CELF2: variants seen among roughly 807,000 people sequenced by gnomAD.
CELF2 encodes the protein CUGBP Elav-like family member 2.
Under a neutral mutation model 62.6 loss-of-function variants are expected in CELF2, and 8 were observed. That is an observed-to-expected ratio of 0.13 (90% CI 0.07 to 0.23). The LOEUF is 0.23. CELF2 is among the 10% of genes least tolerant of loss of function. CELF2 has a pLI of 1.00. For missense variants in CELF2, 333 were observed against 671.0 expected (o/e 0.50, Z 5.56); for synonymous variants, 258 against 250.0 (o/e 1.03, Z -0.30).
chr10:10,806,640 T>TCATGGAGC (rs1326098406), intron 1 of CELF2, among the ~76,000 whole-genome samples: 1 of 152,160 alleles, frequency 6.6e-6, no homozygotes, highest in Non-Finnish European at 1.5e-5. Flanking sequence ...CTGTATCAGA[T>TCATGGAGC]CATGGAGCCA....
intron 2 of CELF2, among the ~76,000 whole-genome samples, chr10:10,954,215 TTATTATTATTA>T (rs1417014724): frequency 0.06 from 366 of 6,092 alleles, 2 homozygotes; most frequent in East Asian, 0.18. Flanking sequence ...AATTTATTTA[TTATTATTATTA>T]TTATTATTAT....
chr10:10,755,518 C>T, the CELF2 span, among the ~76,000 whole-genome samples: 21 of 152,172 alleles, frequency 1.4e-4, no homozygotes, highest in Non-Finnish European at 2.9e-4. Flanking sequence ...TGCTCTCCTG[C>T]GTCTGCTGCT....
At chr10:10,668,945 GA>G in the CELF2 span, among the ~76,000 whole-genome samples, 1 of 151,622 alleles carries the variant, frequency 6.6e-6, no homozygotes, top group Non-Finnish European at 1.5e-5. Flanking sequence ...GCAACAGAGT[GA>G]GACCCTGACA....
chr10:11,063,899 G>A (rs2067417370), intron 1 of CELF2, among the ~76,000 whole-genome samples: 2 of 152,166 alleles, frequency 1.3e-5, no homozygotes, highest in African/African-American at 2.4e-5. Context: ...TTCCAGAGGG[G>A]AGTGGATTGA....
intron 9 of CELF2, among the ~76,000 whole-genome samples, chr10:11,293,957 T>C (rs1358894816): frequency 6.6e-6 from 1 of 152,198 alleles, no homozygotes; most frequent in African/African-American, 2.4e-5. Flanking sequence ...AGTTCACCTG[T>C]AAGGCGTGCC....
the CELF2 span, among the ~76,000 whole-genome samples, chr10:10,698,218 G>A: frequency 1.3e-5 from 2 of 152,170 alleles, no homozygotes; most frequent in Non-Finnish European, 2.9e-5. Flanking sequence ...AGAATATTCA[G>A]TTTCACTATA....
At chr10:10,498,778 A>G in the CELF2 span, among the ~76,000 whole-genome samples, 1 of 152,182 alleles carries the variant, frequency 6.6e-6, no homozygotes, top group Non-Finnish European at 1.5e-5. Flanking sequence ...AATTTGATTA[A>G]CTCATTTCAT....
chr10:10,857,648 A>ATATATATATAT (rs1564727117), intron 1 of CELF2, among the ~76,000 whole-genome samples: 6 of 38,812 alleles, frequency 1.5e-4, no homozygotes, highest in African/African-American at 6.2e-4. Context: ...ACATATATAT[A>ATATATATATAT]GTATATATAT....
At chr10:10,553,636 G>A in the CELF2 span, among the ~76,000 whole-genome samples, 1 of 152,170 alleles carries the variant, frequency 6.6e-6, no homozygotes, top group Non-Finnish European at 1.5e-5. Flanking sequence ...TGAGAGAGGG[G>A]TGACCTAGTC....
rs2094923178 is a variant in CELF2 at position 11,315,777 on chromosome 10, C to T, written c.1096+1519C>T. Among the ~76,000 whole-genome samples the T allele has an allele frequency of 6.6e-6, 1 of 152,234 alleles. No homozygotes were observed. Among genetic ancestry groups the T allele is most frequent in the South Asian group, 2.1e-4 (1 of 4,834 alleles). ...AGCAGCCAAGTAGGAGCCTCACTGCCTTGACCCCCATTTCCGGTACAGCTC... is the reference window on the plus strand; with the variant it reads ...AGCAGCCAAGTAGGAGCCTCACTGCTTTGACCCCCATTTCCGGTACAGCTC... On this transcript the variant is annotated intron_variant, in intron 10 of 12. Transcript: ENST00000633077. This position sits in a 1 kb window ranked among gnomAD's most constrained non-coding sequence, Gnocchi z 5.8.
At chr10:11,273,715 G>GGTT (rs141599147) in intron 7 of CELF2, among the ~76,000 whole-genome samples, 4 of 150,408 alleles carry the variant, frequency 2.7e-5, no homozygotes, top group African/African-American at 4.9e-5. Context: ...TGAAAGTTTT[G>GGTT]TTTTTTTGTT....
At chr10:10,629,144 C>A in the CELF2 span, among the ~76,000 whole-genome samples, 2 of 152,152 alleles carry the variant, frequency 1.3e-5, no homozygotes. Context: ...GCCCTGAATA[C>A]TCCTTGGTGC....
chr10:11,174,518 G>A (rs1310564097), intron 2 of CELF2, among the ~76,000 whole-genome samples: 1 of 152,226 alleles, frequency 6.6e-6, no homozygotes, highest in Non-Finnish European at 1.5e-5. Flanking sequence ...ACTCTGGACA[G>A]TGATCAGTTT....
chr10:10,957,245 A>G lies in CELF2; in HGVS notation c.89+37246A>G, dbSNP rs978696792. 1.8e-4 allele frequency among the ~76,000 whole-genome samples: 28 copies of G among 152,230 alleles called. No homozygotes were observed. Among genetic ancestry groups the G allele is most frequent in the African/African-American group, 6.8e-4 (28 of 41,462 alleles). ...CTAATTCACTCAAACCGATTTATGT[A>G]TTTAGATATGACCTCAGGTGCTGGT... is the stretch of plus-strand genomic sequence containing the variant. On this transcript the variant is annotated intron_variant, in intron 2 of 13. Coordinates refer to the CELF2 transcript ENST00000636488. The surrounding 1 kb of genome is among the most constrained non-coding windows in gnomAD (Gnocchi z 4.1).
At chr10:11,015,452 G>A (rs1336869373), upstream of CELF2, among the ~76,000 whole-genome samples, 1 of 152,098 alleles carries the variant, frequency 6.6e-6, no homozygotes, top group Non-Finnish European at 1.5e-5. The surrounding 1 kb of genome is among the most constrained non-coding windows in gnomAD (Gnocchi z 4.8). Context: ...TTTCCCTCTG[G>A]TATCTACATC....
chr10:10,946,151 G>A (rs2047654923), intron 2 of CELF2: 1 of 152,636 alleles, frequency 6.6e-6, no homozygotes, highest in African/African-American at 2.4e-5. Context: ...TGCCATCCTG[G>A]CTCTGTCATT....
At chr10:11,313,790 T>TAAA (rs60108238) in intron 9 of CELF2, among the ~76,000 whole-genome samples, 1 of 143,736 alleles carries the variant, frequency 7.0e-6, no homozygotes, top group South Asian at 2.2e-4. Flanking sequence ...CCCATAGGCT[T>TAAA]AAAAAAAAAA....
chr10:11,301,447 C>T (rs1479145563), intron 9 of CELF2, among the ~76,000 whole-genome samples: 1 of 69,716 alleles, frequency 1.4e-5, no homozygotes, highest in African/African-American at 6.0e-5. Flanking sequence ...CCCCGCCACT[C>T]CCGCTCCCCC....
the CELF2 span, among the ~76,000 whole-genome samples, chr10:10,734,805 A>G: frequency 6.6e-6 from 1 of 152,164 alleles, no homozygotes; most frequent in Non-Finnish European, 1.5e-5. Flanking sequence ...TTTGCCCAGG[A>G]CAGTCCCAGC....
Sources: allele counts gnomAD v4.1 joint callset (sites outside exome capture counted in the v4.1 genomes callset), GRCh38; gene constraint gnomAD v4.1.1; non-coding constraint Gnocchi (gnomAD v3.1); transcripts MANE v1.5; gene names NCBI Gene and HGNC (gene_info 2026-07-23, HGNC 2026-07-21).